Variants in GPHN observed in about 807,000 individuals in gnomAD.
The protein encoded by GPHN is gephyrin.
GPHN carries 17 observed loss-of-function variants against 95.5 expected under a neutral mutation model. The ratio of observed to expected loss-of-function variants is 0.18; its 90% CI spans 0.12 to 0.27. The LOEUF (loss-of-function observed/expected upper bound fraction) is 0.27. Ranked by LOEUF, GPHN falls within the 10% of genes least tolerant of loss-of-function variation. GPHN has a pLI of 1.00. For synonymous variants in GPHN, 320 were observed against 322.5 expected (o/e 0.99, Z 0.08); for missense variants, 660 against 978.1 (o/e 0.67, Z 4.34).
At chr14:67,440,986 T>G in the GPHN span, among the ~76,000 whole-genome samples, 1 of 152,160 alleles carries the variant, frequency 6.6e-6, no homozygotes, top group Non-Finnish European at 1.5e-5. Flanking sequence ...CTAAGCCCAC[T>G]TTTCTCCAAT....
chr14:67,521,144 A>G, the GPHN span, among the ~76,000 whole-genome samples: 1 of 152,226 alleles, frequency 6.6e-6, no homozygotes. Context: ...AGATTGTTGA[A>G]TAATATCACT....
chr14:67,068,708 T>A (rs72715329), intron 11 of GPHN, among the ~76,000 whole-genome samples: 7,824 of 152,306 alleles, frequency 0.051, 221 homozygotes, highest in Middle Eastern at 0.068. Flanking sequence ...CTGACCTAGG[T>A]TCTCTGCTTT....
the GPHN span, among the ~76,000 whole-genome samples, chr14:67,291,026 T>C: frequency 6.6e-5 from 10 of 151,858 alleles, no homozygotes; most frequent in Non-Finnish European, 1.5e-5. Context: ...CAAGAAGAAG[T>C]TTATAAGCAT....
the GPHN span, chr14:67,208,090 G>A: frequency 6.9e-7 from 1 of 1,458,462 alleles, no homozygotes; most frequent in East Asian, 2.3e-5. Context: ...ACTCCTCACG[G>A]GTGCTCAGTG....
intron 1 of GPHN, among the ~76,000 whole-genome samples, chr14:66,528,760 A>T (rs1438229357): frequency 1.3e-5 from 2 of 152,146 alleles, no homozygotes; most frequent in Admixed American, 1.3e-4. Context: ...TGGGTTTAAA[A>T]TTCTTTTCTG....
chr14:66,807,155 T>G (rs2060577532), intron 3 of GPHN, among the ~76,000 whole-genome samples: 1 of 152,214 alleles, frequency 6.6e-6, no homozygotes, highest in Non-Finnish European at 1.5e-5. Flanking sequence ...AGAGAGTTTG[T>G]GCAGGGAAGA....
chr14:67,343,429 C>T, the GPHN span: 6 of 1,603,844 alleles, frequency 3.7e-6, no homozygotes, highest in Non-Finnish European at 5.1e-6. Flanking sequence ...TCCAAAGTAA[C>T]AAAAGAAGTC....
the GPHN span, among the ~76,000 whole-genome samples, chr14:67,654,801 G>A: frequency 1.3e-3 from 191 of 152,070 alleles, no homozygotes; most frequent in Non-Finnish European, 1.9e-3. Flanking sequence ...AGGCTGAGGC[G>A]GGCAGATCAT....
At chr14:66,774,882 G>C (rs1279799912) in intron 2 of GPHN, among the ~76,000 whole-genome samples, 1 of 152,140 alleles carries the variant, frequency 6.6e-6, no homozygotes, top group African/African-American at 2.4e-5. Context: ...TTAAAATACT[G>C]TAGGAAAATT....
intron 9 of GPHN, among the ~76,000 whole-genome samples, chr14:66,974,721 T>G (rs1437366800): frequency 6.6e-6 from 1 of 152,154 alleles, no homozygotes; most frequent in East Asian, 1.9e-4. Flanking sequence ...CCTTCATAAA[T>G]AACCACTGTT....
intron 2 of GPHN, among the ~76,000 whole-genome samples, chr14:66,711,778 C>T (rs1022580224): frequency 1.4e-5 from 2 of 142,806 alleles, no homozygotes; most frequent in Non-Finnish European, 3.1e-5. Context: ...GTGTGATGTT[C>T]CCCGCCCTGG....
intron 21 of GPHN, 86 bp downstream of exon 21, chr14:67,169,122 TA>T: frequency 1.2e-6 from 1 of 824,110 alleles, no homozygotes; most frequent in Non-Finnish European, 2.1e-6. Context: ...AATAAACATC[TA>T]GAGTTTTCTA....
chr14:67,014,115 G>A (rs28539317), intron 9 of GPHN, among the ~76,000 whole-genome samples: 47,002 of 151,764 alleles, frequency 0.31, 11,183 homozygotes, highest in African/African-American at 0.65. Flanking sequence ...AAAAAAATCA[G>A]CATTTCTTAT....
the GPHN span, among the ~76,000 whole-genome samples, chr14:67,452,363 C>A: frequency 6.7e-6 from 1 of 150,366 alleles, no homozygotes; most frequent in African/African-American, 2.5e-5. Flanking sequence ...TTTCTCTGTA[C>A]AAGGTTTTTT....
chr14:66,692,163 T>C (rs2067822732), intron 2 of GPHN, among the ~76,000 whole-genome samples: 1 of 152,218 alleles, frequency 6.6e-6, no homozygotes, highest in Non-Finnish European at 1.5e-5. Context: ...GAGGTTTGAA[T>C]ATATCTTTAC....
chr14:67,705,703 G>A, the GPHN span, among the ~76,000 whole-genome samples: 2 of 152,150 alleles, frequency 1.3e-5, no homozygotes, highest in Non-Finnish European at 2.9e-5. Flanking sequence ...ATTTGGGGAA[G>A]CTGAGTGAAA....
At chr14:67,585,479 C>T in the GPHN span, 1 of 830,290 alleles carries the variant, frequency 1.2e-6, no homozygotes, top group Admixed American at 2.2e-5. Context: ...CTTAGCAGAT[C>T]CCTGGATGTG....
chr14:67,562,445 C>T, the GPHN span: 21 of 1,613,588 alleles, frequency 1.3e-5, no homozygotes, highest in Middle Eastern at 1.6e-4. Flanking sequence ...ATGCATGAAG[C>T]TTCTTACCTT....
chr14:66,952,290 G>A (rs566956877), intron 8 of GPHN, among the ~76,000 whole-genome samples: 1 of 152,250 alleles, frequency 6.6e-6, no homozygotes, highest in South Asian at 2.1e-4. Context: ...CATACAATAT[G>A]TAACTCTTTA....
Sources: gnomAD v4.1 joint callset for allele counts (sites outside exome capture counted in the v4.1 genomes callset) on GRCh38, gnomAD v4.1.1 for gene constraint, MANE v1.5 for transcripts, NCBI Gene and HGNC (gene_info 2026-07-23, HGNC 2026-07-21) for gene names.